Variants in ABHD2 observed in about 807,000 individuals in gnomAD.
The protein encoded by ABHD2 is monoacylglycerol lipase ABHD2.
ABHD2 carries 20 observed loss-of-function variants against 48.1 expected under a neutral mutation model. That is an observed-to-expected ratio of 0.42 (90% confidence interval 0.29 to 0.60). The LOEUF (loss-of-function observed/expected upper bound fraction) is 0.60. ABHD2 is among the 20% of genes least tolerant of loss of function. ABHD2 has a pLI of 0.24. For missense variants in ABHD2, 405 were observed against 550.9 expected, an observed-to-expected ratio of 0.74 and a Z score of 2.65; for synonymous variants, 209 against 214.2, an observed-to-expected ratio of 0.98 and a Z score of 0.21.
At chr15:89,135,561 A>G (rs1194499694) in intron 3 of ABHD2, 1 of 1,457,408 alleles carries the variant, frequency 6.9e-7, no homozygotes, top group African/African-American at 1.4e-5. Context: ...CATCATCTTC[A>G]TCTTCCTCCT....
rs1172269180 is a variant in ABHD2, at chr15:89,167,920, C to T, written c.539-7892C>T. On this transcript the variant is annotated intron_variant, in intron 5 of 10. Transcript: ENST00000352732. The surrounding 1 kb of genome is among the most constrained non-coding windows in gnomAD (Gnocchi z 5.5). ...ACCTCTTTCATGTCCCCTGCTTACT[C>T]ATGCTGGCGAGTACTGTGTGCCTTT... 1.3e-5 allele frequency among the ~76,000 whole-genome samples: 2 copies of T among 152,232 alleles called. No homozygotes were observed. Among genetic ancestry groups the T allele is most frequent in the South Asian group, 2.1e-4 (1 of 4,834 alleles).
rs2051212051 is a variant in ABHD2 at position 89,186,471 on chromosome 15, C to A, written c.815+955C>A. 6.6e-6 allele frequency among the ~76,000 whole-genome samples: 1 copy of A among 152,134 alleles called. No homozygotes were observed. The highest frequency in any genetic ancestry group is 2.4e-5 in the African/African-American group (1 of 41,408). On this transcript the variant is annotated intron_variant, in intron 7 of 10. Coordinates refer to ENST00000352732, the MANE Select transcript of ABHD2 (RefSeq NM_152924.5). The surrounding 1 kb of genome is among the most constrained non-coding windows in gnomAD (Gnocchi z 4.3). ...CTAGGCTACTTAGAGGTTCCTGTGT[C>A]CCCTGGCCTCTGCCACACTACTTAC... is the stretch of plus-strand genomic sequence containing the variant.
rs777648877 is a variant in ABHD2, at chr15:89,151,665, T to C, written c.195-12T>C. ...ATGTAGAGAAAATTGACCTCCCTTG[T>C]CCTTTCTTTAGATACATTCCACCGT... On this transcript the variant is annotated splice_polypyrimidine_tract_variant and intron_variant, in intron 3 of 10. Coordinates refer to ENST00000352732, the MANE Select transcript of ABHD2 (RefSeq NM_152924.5). This position sits in a 1 kb window ranked among gnomAD's most constrained non-coding sequence, Gnocchi z 4.7. The C allele has an allele frequency of 1.2e-6, 2 of 1,610,784 alleles. No individual in the cohort carries two copies. Among genetic ancestry groups the C allele is most frequent in the South Asian group, 1.1e-5 (1 of 90,850 alleles).
chr15:89,185,406 T>A lies in ABHD2; in HGVS notation c.723-18T>A. 1 of 1,612,234 alleles carries A rather than the reference T, an allele frequency of 6.2e-7. No homozygotes were observed. The highest frequency in any genetic ancestry group is 1.1e-5 in the South Asian group (1 of 91,004). ...ACCCCCACACCGCAGTCACCCTCAC[T>A]CGCTGTGGTTCTTCCAGGGCCCAGG... On this transcript the variant is annotated intron_variant, in intron 6 of 10. Transcript: ENST00000352732. The surrounding 1 kb of genome is among the most constrained non-coding windows in gnomAD (Gnocchi z 5.9).
chr15:89,116,615 A>C lies in ABHD2; in HGVS notation c.194+94A>C. The C allele has an allele frequency of 7.4e-7, 1 of 1,353,188 alleles. No homozygotes were observed. The highest frequency in any genetic ancestry group is 1.0e-6 in the Non-Finnish European group (1 of 985,384). The allele number at this position is 1,353,188 out of a possible 1,614,324, so 83.8% of individuals were successfully genotyped here. ...AGAAACTTCTCTCATCGTGTCCTTA[A>C]GGCATCAATGGGATATGACGTCACT... On this transcript the variant is annotated intron_variant, in intron 3 of 10. Coordinates refer to ENST00000352732, the MANE Select transcript of ABHD2 (RefSeq NM_152924.5). The surrounding 1 kb of genome is among the most constrained non-coding windows in gnomAD (Gnocchi z 4.6).
the ABHD2 span, among the ~76,000 whole-genome samples, chr15:89,051,597 C>A: frequency 2.4e-4 from 36 of 152,104 alleles, no homozygotes; most frequent in Non-Finnish European, 4.0e-4. Flanking sequence ...ATGGGAGGGA[C>A]CTGGTGGATA....
intron 3 of ABHD2, among the ~76,000 whole-genome samples, chr15:89,145,672 C>T (rs1264853132): frequency 2.0e-5 from 3 of 152,244 alleles, no homozygotes; most frequent in Non-Finnish European, 2.9e-5. Flanking sequence ...AAGTTCTTCT[C>T]TCCCACTGCA....
At chr15:89,085,151 A>G (rs1160120544), upstream of ABHD2, among the ~76,000 whole-genome samples, 1 of 152,192 alleles carries the variant, frequency 6.6e-6, no homozygotes, top group African/African-American at 2.4e-5. This position sits in a 1 kb window ranked among gnomAD's most constrained non-coding sequence, Gnocchi z 4.2. Context: ...CAGTTGAGTT[A>G]GAAGCAGTTC....
At position 89,195,408 on chromosome 15, in the gene ABHD2, G is replaced by A; in HGVS notation, c.1263G>A (p.Glu421=). The change falls in exon 11 of 11, where the codon GAG becomes GAA. Residue 421 remains glutamate, a synonymous_variant. Transcript: ENST00000352732. This position sits in a 1 kb window ranked among gnomAD's most constrained non-coding sequence, Gnocchi z 5.1. ...KLQCSDTEQV[E]ADLE is the part of the protein sequence containing the mutation. ...AGTGCTCTGACACGGAGCAGGTGGA[G>A]GCCGACCTGGAGTGAGGCCTCCGGA... 1 of 1,613,748 alleles carries A rather than the reference G, an allele frequency of 6.2e-7. No individual in the cohort carries two copies. The highest frequency in any genetic ancestry group is 1.1e-5 in the South Asian group (1 of 91,070).
intron 4 of ABHD2, among the ~76,000 whole-genome samples, chr15:89,154,433 T>A (rs1203571090): frequency 6.6e-6 from 1 of 152,218 alleles, no homozygotes; most frequent in East Asian, 1.9e-4. Context: ...TATTTTTAAG[T>A]AGGCAAGTCA....
chr15:89,195,959 G>A lies in ABHD2; in HGVS notation c.*536G>A, dbSNP rs1195985001. 1.3e-5 allele frequency: 2 copies of A among 152,624 alleles called. No individual in the cohort carries two copies. The highest frequency in any genetic ancestry group is 2.9e-5 in the Non-Finnish European group (2 of 68,100). 9.5% of individuals were successfully genotyped at this position (152,624 alleles called of 1,614,324 possible). A position where few individuals can be genotyped will look rare whatever the true frequency, so the allele number is the denominator to read the frequency against. On this transcript the variant is annotated 3_prime_UTR_variant, in exon 11 of 11. Coordinates refer to ENST00000352732, the MANE Select transcript of ABHD2 (RefSeq NM_152924.5). The surrounding 1 kb of genome is among the most constrained non-coding windows in gnomAD (Gnocchi z 5.1). ...TAAACGGCAAAGGAAATTCCTTTGAGTCACAAGCCAAGTTTTCGCCCTGTC... is the reference window on the plus strand; with the variant it reads ...TAAACGGCAAAGGAAATTCCTTTGAATCACAAGCCAAGTTTTCGCCCTGTC...
chr15:89,061,686 C>T, the ABHD2 span, among the ~76,000 whole-genome samples: 1 of 152,082 alleles, frequency 6.6e-6, no homozygotes, highest in Non-Finnish European at 1.5e-5. Flanking sequence ...CATCCTCCCA[C>T]CTCAGCCTCT....
chr15:89,157,361 A>G (rs912965468), intron 5 of ABHD2, among the ~76,000 whole-genome samples: 4 of 152,182 alleles, frequency 2.6e-5, no homozygotes, highest in African/African-American at 9.7e-5. Flanking sequence ...ATGCAAGGGC[A>G]CTGTCTCCTA....
Position 89,201,827 on chromosome 15 carries a change from GCGGCTTGCTCGCTGGGGGCGGGGGA to G in ABHD2, c.*6407_*6431del. 1 of 1,204,622 alleles carries G rather than the reference GCGGCTTGCTCGCTGGGGGCGGGGGA, an allele frequency of 8.3e-7. No homozygotes were observed. The highest frequency in any genetic ancestry group is 2.3e-5 in the East Asian group (1 of 43,082). 74.6% of individuals were successfully genotyped at this position (1,204,622 alleles called of 1,614,324 possible). A position where few individuals can be genotyped will look rare whatever the true frequency, so the allele number is the denominator to read the frequency against. ...TTGGAGAGACAGCGCAGAGCAGGGGGCGGCTTGCTCGCTGGGGGCGGGGGACGATGGCGAGAGGGGAGGGGGAGCG... is the reference window on the plus strand; with the variant it reads ...TTGGAGAGACAGCGCAGAGCAGGGGGCGATGGCGAGAGGGGAGGGGGAGCG... On this transcript the variant is annotated 3_prime_UTR_variant, in exon 11 of 11. Coordinates refer to ENST00000352732, the MANE Select transcript of ABHD2 (RefSeq NM_152924.5).
chr15:89,075,828 C>A, the ABHD2 span, among the ~76,000 whole-genome samples: 1 of 152,194 alleles, frequency 6.6e-6, no homozygotes, highest in Non-Finnish European at 1.5e-5. This position sits in a 1 kb window ranked among gnomAD's most constrained non-coding sequence, Gnocchi z 4.1. Flanking sequence ...GTCCATGGGG[C>A]AGGCTGTGAA....
intron 3 of ABHD2, among the ~76,000 whole-genome samples, chr15:89,119,365 C>G (rs2050012179): frequency 1.3e-5 from 2 of 152,200 alleles, no homozygotes; most frequent in South Asian, 4.1e-4. Flanking sequence ...CAACTCACCT[C>G]TTATTTCTGA....
At chr15:89,148,357 C>T (rs1189684187) in intron 3 of ABHD2, among the ~76,000 whole-genome samples, 1 of 151,946 alleles carries the variant, frequency 6.6e-6, no homozygotes, top group Non-Finnish European at 1.5e-5. Flanking sequence ...TTTTTTTCAA[C>T]CATAGATTGG....
Position 89,167,294 on chromosome 15 carries a change from C to T in ABHD2, c.539-8518C>T, listed in dbSNP as rs778157983. Among the ~76,000 whole-genome samples the T allele has an allele frequency of 4.3e-4, 65 of 152,066 alleles. No individual in the cohort carries two copies. Among genetic ancestry groups the T allele is most frequent in the Non-Finnish European group, 7.6e-4 (52 of 68,034 alleles). On this transcript the variant is annotated intron_variant, in intron 5 of 10. Coordinates refer to ENST00000352732, the MANE Select transcript of ABHD2 (RefSeq NM_152924.5). This position sits in a 1 kb window ranked among gnomAD's most constrained non-coding sequence, Gnocchi z 5.5. ...TATTCATAGTTATGAATTGTGTTGC[C>T]TCTGCATTAAACAGTTGAGTTTTAT...
chr15:89,190,991 G>A, intron 8 of ABHD2, 89 bp from the exon 9 acceptor site: 1 of 1,298,752 alleles, frequency 7.7e-7, no homozygotes, highest in Non-Finnish European at 1.1e-6. Flanking sequence ...GTTAGCGTGA[G>A]GAACTGGAGC....
Sources: gnomAD v4.1 joint callset for allele counts (sites outside exome capture counted in the v4.1 genomes callset) on GRCh38, gnomAD v4.1.1 for gene constraint, Gnocchi (gnomAD v3.1) non-coding constraint, MANE v1.5 for transcripts, NCBI Gene and HGNC (gene_info 2026-07-23, HGNC 2026-07-21) for gene names.